The following ELAVL4 variants were observed in gnomAD, a reference collection of about 807,000 sequenced individuals.
ELAVL4 encodes ELAV like RNA binding protein 4, also known as ELAV-like protein 4.
ELAVL4 carries 1 observed loss-of-function variant against 35.6 expected under a neutral mutation model. The observed-to-expected ratio is 0.03, with a 90% CI of 0.01 to 0.13. The LOEUF is 0.13. ELAVL4 is among the 10% of genes least tolerant of loss of function. ELAVL4 has a pLI of 1.00. For missense variants in ELAVL4, 267 were observed against 464.9 expected (o/e 0.57, Z 3.91); for synonymous variants, 156 against 171.0 (o/e 0.91, Z 0.69).
intron 2 of ELAVL4, among the ~76,000 whole-genome samples, chr1:50,161,884 G>C (rs954276894): frequency 4.6e-5 from 7 of 152,112 alleles, no homozygotes; most frequent in African/African-American, 1.4e-4. Context: ...GCCACTGCAC[G>C]CAGCAGTTGG....
chr1:50,144,256 G>C (rs919042430), intron 1 of ELAVL4, among the ~76,000 whole-genome samples: 5 of 152,040 alleles, frequency 3.3e-5, no homozygotes, highest in Non-Finnish European at 5.9e-5. Flanking sequence ...TATGTGAGTG[G>C]ACAGCCTCAG....
At chr1:50,052,516 T>C (rs1663439867) in intron 1 of ELAVL4, among the ~76,000 whole-genome samples, 1 of 152,218 alleles carries the variant, frequency 6.6e-6, no homozygotes, top group African/African-American at 2.4e-5. Flanking sequence ...AAGCAGAAGG[T>C]TTGACTTTCT....
At chr1:50,193,050 C>T (rs1284860796) in intron 3 of ELAVL4, among the ~76,000 whole-genome samples, 1 of 152,108 alleles carries the variant, frequency 6.6e-6, no homozygotes, top group African/African-American at 2.4e-5. Context: ...TTCCCTCCCT[C>T]CTTTCCATCT....
At chr1:50,182,756 A>G (rs775593237) in intron 3 of ELAVL4, among the ~76,000 whole-genome samples, 1 of 152,214 alleles carries the variant, frequency 6.6e-6, no homozygotes, top group African/African-American at 2.4e-5. Flanking sequence ...TTTTTAAAGC[A>G]AAACATGCTT....
Position 50,086,909 on chromosome 1 carries a change from T to C in ELAVL4, c.18+38727T>C, listed in dbSNP as rs184670962. ...GGGACTCTGCAGATCCAAGGCCAGT[T>C]CTTCATTCTGAGCCCCTCAAGTCAC... is the stretch of plus-strand genomic sequence containing the variant. On this transcript the variant is annotated intron_variant, in intron 1 of 6. Transcript: ENST00000448907. 3.2e-4 allele frequency among the ~76,000 whole-genome samples: 48 copies of C among 152,250 alleles called. 2 individuals are homozygous for C. The East Asian group carries it at 6.8e-3, about 21-fold the overall frequency.
At chr1:50,062,221 A>G (rs1664021710) in intron 1 of ELAVL4, among the ~76,000 whole-genome samples, 1 of 152,192 alleles carries the variant, frequency 6.6e-6, no homozygotes. Context: ...TGTGGAGAAA[A>G]CAAGGAGAAT....
upstream of ELAVL4, among the ~76,000 whole-genome samples, chr1:50,099,526 C>T (rs1450883972): frequency 7.1e-6 from 1 of 141,558 alleles, no homozygotes; most frequent in African/African-American, 2.7e-5. Flanking sequence ...CACCACTGCA[C>T]TTCCAGCCTG....
At position 50,164,928 on chromosome 1, in the gene ELAVL4, C is replaced by T. The variant is rs1030555140; in HGVS notation, c.251-12161C>T. Among the ~76,000 whole-genome samples, 9 of 152,196 alleles carry T rather than the reference C, an allele frequency of 5.9e-5. No individual in the cohort carries two copies. In the South Asian group the frequency reaches 6.2e-4, roughly 11 times the overall value. On this transcript the variant is annotated intron_variant, in intron 2 of 6. Transcript: ENST00000371824. The stretch of plus-strand genomic sequence containing the variant: ...TAATGTCATGGGCCCTTTGTTAGTT[C>T]CTGGGGAAAGAGAAATGAATAAAGC...
intron 1 of ELAVL4, among the ~76,000 whole-genome samples, chr1:50,131,470 A>T (rs1557750003): frequency 6.6e-6 from 1 of 152,158 alleles, no homozygotes; most frequent in African/African-American, 2.4e-5. Flanking sequence ...TCATAAAAAT[A>T]CATACAGTAG....
chr1:50,112,566 A>G (rs1667253161), intron 1 of ELAVL4, among the ~76,000 whole-genome samples: 1 of 152,176 alleles, frequency 6.6e-6, no homozygotes, highest in Admixed American at 6.6e-5. Context: ...GAATGTCCAT[A>G]TATCTCATAG....
intron 1 of ELAVL4, among the ~76,000 whole-genome samples, chr1:50,072,280 A>G (rs761471756): frequency 2.6e-5 from 4 of 152,200 alleles, no homozygotes; most frequent in Non-Finnish European, 5.9e-5. Flanking sequence ...TTCTTTCTCT[A>G]TCAAATTCCT....
At chr1:50,126,747 T>C (rs766984100) in intron 1 of ELAVL4, among the ~76,000 whole-genome samples, 7 of 152,114 alleles carry the variant, frequency 4.6e-5, no homozygotes, top group Admixed American at 1.3e-4. Context: ...ATCCCAAACC[T>C]CCTTTGTTTT....
At chr1:50,173,582 AG>A (rs1219389201) in intron 2 of ELAVL4, among the ~76,000 whole-genome samples, 4 of 152,238 alleles carry the variant, frequency 2.6e-5, no homozygotes, top group African/African-American at 9.6e-5. Flanking sequence ...CTGGGCACCA[AG>A]GGGCCAAATG....
intron 6 of ELAVL4, among the ~76,000 whole-genome samples, chr1:50,199,525 G>A (rs950924660): frequency 2.6e-5 from 4 of 152,136 alleles, no homozygotes; most frequent in African/African-American, 9.7e-5. Flanking sequence ...GGCCAACATG[G>A]CAAAACCCCG....
rs1315728900 is a variant in ELAVL4, at chr1:50,156,803, A to G, written c.250+11606A>G. 1.3e-5 allele frequency among the ~76,000 whole-genome samples: 2 copies of G among 152,156 alleles called. 1 individual carries two copies. Among genetic ancestry groups the G allele is most frequent in the Non-Finnish European group, 2.9e-5 (2 of 68,020 alleles). On this transcript the variant is annotated intron_variant, in intron 2 of 6. Coordinates refer to ENST00000371824, the MANE Select transcript of ELAVL4 (RefSeq NM_001144774.3). ...CCAGCTGGGACGAGAGACCTTCACA[A>G]GAGAGGGTTTCCCACATTCTTGCTG...
chr1:50,088,865 A>G (rs972632998), intron 1 of ELAVL4, among the ~76,000 whole-genome samples: 2 of 152,168 alleles, frequency 1.3e-5, no homozygotes, highest in African/African-American at 4.8e-5. Context: ...ACAGCAGAAT[A>G]ATCAGTTAAG....
intron 1 of ELAVL4, among the ~76,000 whole-genome samples, chr1:50,110,563 C>T (rs1011914257): frequency 6.6e-6 from 1 of 152,148 alleles, no homozygotes; most frequent in Non-Finnish European, 1.5e-5. Context: ...CTGATGTTGA[C>T]CCTGAAGATA....
At chr1:50,116,253 G>A (rs1197039930) in intron 1 of ELAVL4, among the ~76,000 whole-genome samples, 1 of 152,090 alleles carries the variant, frequency 6.6e-6, no homozygotes, top group Non-Finnish European at 1.5e-5. Flanking sequence ...TGCTTCTGAT[G>A]TAAGTGGCTT....
rs1175366786 is a variant in ELAVL4 at position 50,195,774 on chromosome 1, C to T, written c.722C>T (p.Ala241Val). 1 of 1,614,144 alleles carries T rather than the reference C, an allele frequency of 6.2e-7. No individual in the cohort carries two copies. Among genetic ancestry groups the T allele is most frequent in the East Asian group, 2.2e-5 (1 of 44,848 alleles). ...TACCCAGGTCCACTTCACCACCAGG[C>T]TCAGAGGTTCAGGTAGGCATGCCCA... Reference protein sequence around the residue: ...RRYPGPLHHQAQRFRLDNLLN... With the variant: ...RRYPGPLHHQVQRFRLDNLLN... The change falls in exon 5 of 7, where the codon GCT becomes GTT. Residue 241 changes from alanine (A) to valine (V), a missense_variant. Physicochemically the swap from Ala to Val is moderately conservative, Grantham distance 64. Coordinates refer to ENST00000371824, the MANE Select transcript of ELAVL4 (RefSeq NM_001144774.3).
Sources: gnomAD v4.1 joint callset for allele counts (sites outside exome capture counted in the v4.1 genomes callset) on GRCh38, gnomAD v4.1.1 for gene constraint, MANE v1.5 for transcripts, NCBI Gene and HGNC (gene_info 2026-07-23, HGNC 2026-07-21) for gene names.